The following BCL2L13 variants were observed in gnomAD, a reference collection of about 807,000 sequenced individuals.
BCL2L13 encodes the protein BCL2 like 13.
In BCL2L13, 13 loss-of-function variants were observed where a neutral mutation model predicts 25.8. The ratio of observed to expected loss-of-function variants is 0.50; its 90% CI spans 0.33 to 0.80. The LOEUF (loss-of-function observed/expected upper bound fraction) is 0.80, where lower values mean the gene tolerates loss of function less well. Ranked by LOEUF, BCL2L13 falls within the 30% of genes least tolerant of loss-of-function variation. BCL2L13 has a pLI of 0.02. For missense variants in BCL2L13, 504 were observed against 574.9 expected (o/e 0.88, Z 1.26); for synonymous variants, 244 against 230.3 (o/e 1.06, Z -0.54).
At chr22:17,674,304 T>C (rs1008843535) in intron 2 of BCL2L13, among the ~76,000 whole-genome samples, 1 of 152,132 alleles carries the variant, frequency 6.6e-6, no homozygotes, top group African/African-American at 2.4e-5. Flanking sequence ...TTGAGGTTTT[T>C]GTTTGTTTTG....
At chr22:17,686,862 G>A (rs746007267) in intron 3 of BCL2L13, among the ~76,000 whole-genome samples, 9 of 152,126 alleles carry the variant, frequency 5.9e-5, no homozygotes, top group Non-Finnish European at 4.4e-5. Flanking sequence ...TTCTCTTCAT[G>A]TATATTCTGG....
At chr22:17,657,927 ATTC>A (rs1400714611) in intron 2 of BCL2L13, among the ~76,000 whole-genome samples, 1 of 144,620 alleles carries the variant, frequency 6.9e-6, no homozygotes, top group South Asian at 2.1e-4. Context: ...GGTTCAAGCA[ATTC>A]TTCTGCTTCA....
At chr22:17,637,584 GCC>G (rs2058133923), upstream of BCL2L13, among the ~76,000 whole-genome samples, 4 of 151,866 alleles carry the variant, frequency 2.6e-5, no homozygotes, top group African/African-American at 7.2e-5. Context: ...CACCATGTTG[GCC>G]AGGCAGGTCT....
At chr22:17,666,954 G>A (rs2059252515) in intron 2 of BCL2L13, among the ~76,000 whole-genome samples, 1 of 151,938 alleles carries the variant, frequency 6.6e-6, no homozygotes, top group Non-Finnish European at 1.5e-5. Context: ...CAAAGTGCTG[G>A]GATTACAGGT....
intron 1 of BCL2L13, among the ~76,000 whole-genome samples, chr22:17,629,818 T>TACACAC (rs3044578): frequency 0.031 from 4,603 of 148,148 alleles, 151 homozygotes; most frequent in African/African-American, 0.08. Context: ...TTTATTTTCA[T>TACACAC]ACACACACAC....
intron 1 of BCL2L13, among the ~76,000 whole-genome samples, chr22:17,639,861 T>C (rs944617029): frequency 2.0e-5 from 3 of 151,820 alleles, no homozygotes; most frequent in Non-Finnish European, 2.9e-5. Context: ...TCTTTCTTTT[T>C]TTTTTTTTTT....
intron 3 of BCL2L13, among the ~76,000 whole-genome samples, chr22:17,687,390 G>A (rs181337582): frequency 1.5e-3 from 228 of 152,178 alleles, no homozygotes; most frequent in African/African-American, 5.3e-3. Flanking sequence ...TGCCCAGGTT[G>A]GAGTGTAGTG....
intron 1 of BCL2L13, among the ~76,000 whole-genome samples, chr22:17,629,531 T>C (rs954583722): frequency 1.3e-5 from 2 of 152,178 alleles, no homozygotes; most frequent in African/African-American, 4.8e-5. Context: ...TGTTTTTATT[T>C]GGATTTACCT....
At position 17,689,859 on chromosome 22, in the gene BCL2L13, A is replaced by G. The variant is rs1255244523; in HGVS notation, c.386+717A>G. Among the ~76,000 whole-genome samples, 3 of 149,098 alleles carry G rather than the reference A, an allele frequency of 2.0e-5. No individual in the cohort carries two copies. In the South Asian group the frequency reaches 6.3e-4, roughly 31 times the overall value. On this transcript the variant is annotated intron_variant, in intron 4 of 6. Transcript: ENST00000317582. ...CTCCATCTCAAAAAAAAAAAAAAAAAACCCAAAAAACCGTTATATCTGTAT... is the reference window on the plus strand; with the variant it reads ...CTCCATCTCAAAAAAAAAAAAAAAAGACCCAAAAAACCGTTATATCTGTAT...
chr22:17,718,875 G>A (rs2587094), intron 6 of BCL2L13, among the ~76,000 whole-genome samples: 2,213 of 151,908 alleles, frequency 0.015, 55 homozygotes, highest in African/African-American at 0.05. Context: ...AATTAAAAAC[G>A]CGGTCAGGTG....
chr22:17,655,763 G>A lies in BCL2L13; in HGVS notation c.52G>A (p.Val18Ile), dbSNP rs1601534974. The change falls in exon 2 of 7, where the codon GTT (valine) becomes ATT (isoleucine). Residue 18 changes from valine (V) to isoleucine (I), a missense_variant. Val to Ile is a conservative substitution (Grantham distance 29). Transcript: ENST00000317582. Reference protein sequence around the residue: ...PLGFHYETKYVVLSYLGLLSQ... With the variant: ...PLGFHYETKYIVLSYLGLLSQ... ...GGGATTTCACTATGAAACAAAGTAT[G>A]TTGTTCTCAGCTACTTGGGACTCCT... 1 of 1,613,708 alleles carries A rather than the reference G, an allele frequency of 6.2e-7. No homozygotes were observed. The highest frequency in any genetic ancestry group is 8.5e-7 in the Non-Finnish European group (1 of 1,179,846).
intron 6 of BCL2L13, chr22:17,706,784 A>AGTCT (rs767752453): frequency 7.4e-7 from 1 of 1,352,070 alleles, no homozygotes; most frequent in Non-Finnish European, 9.8e-7. Context: ...CTACGTTAGA[A>AGTCT]GTCTGTCTGT....
At chr22:17,671,393 CAAAAAAAAAA>C (rs33951569) in intron 2 of BCL2L13, among the ~76,000 whole-genome samples, 1 of 69,104 alleles carries the variant, frequency 1.4e-5, no homozygotes, top group South Asian at 5.0e-4. Flanking sequence ...GACTCCATCT[CAAAAAAAAAA>C]AAAAAAAAAA....
Position 17,727,826 on chromosome 22 carries a change from T to C in BCL2L13, c.*292T>C. The C allele has an allele frequency of 2.3e-6, 1 of 431,628 alleles. No homozygotes were observed. Among genetic ancestry groups the C allele is most frequent in the Non-Finnish European group, 4.3e-6 (1 of 233,436 alleles). 26.7% of individuals were successfully genotyped at this position (431,628 alleles called of 1,614,324 possible). A position where few individuals can be genotyped will look rare whatever the true frequency, so the allele number is the denominator to read the frequency against. On this transcript the variant is annotated 3_prime_UTR_variant, in exon 7 of 7. Coordinates refer to ENST00000317582, the MANE Select transcript of BCL2L13 (RefSeq NM_015367.4). Reference sequence around the variant, plus strand: ...CTTGGCACTAGTGCTGTTCTGACCATTCTCTGTGTTGGGGCTGTCCTGTGT... The same window carrying C: ...CTTGGCACTAGTGCTGTTCTGACCACTCTCTGTGTTGGGGCTGTCCTGTGT...
chr22:17,630,591 C>CTT lies in BCL2L13; in HGVS notation c.-650+1602_-650+1603dup, dbSNP rs568905142. Among the ~76,000 whole-genome samples the CTT allele has an allele frequency of 1.7e-4, 21 of 120,560 alleles. 1 individual carries two copies. The highest frequency in any genetic ancestry group is 2.5e-4 in the Admixed American group (3 of 11,810). 79.1% of individuals were successfully genotyped at this position (120,560 alleles called of 152,430 possible). A position where few individuals can be genotyped will look rare whatever the true frequency, so the allele number is the denominator to read the frequency against. ...CTGCACCCGGCCTTCTTTTTCTTTT[C>CTT]TTTTTTTTTTTTTTTTTGAGATGGA... On this transcript the variant is annotated intron_variant, in intron 1 of 6. Transcript: ENST00000399782.
chr22:17,682,376 A>T (rs2059781978), intron 2 of BCL2L13, among the ~76,000 whole-genome samples: 1 of 152,196 alleles, frequency 6.6e-6, no homozygotes, highest in Non-Finnish European at 1.5e-5. Flanking sequence ...AAAAGAAAGA[A>T]AATTACAAAG....
chr22:17,686,958 A>G (rs369586475), intron 3 of BCL2L13, among the ~76,000 whole-genome samples: 2 of 152,104 alleles, frequency 1.3e-5, no homozygotes, highest in African/African-American at 2.4e-5. Flanking sequence ...CACTTATTGA[A>G]CCCCATATTA....
chr22:17,657,867 C>G (rs200238181), intron 2 of BCL2L13, among the ~76,000 whole-genome samples: 1 of 113,396 alleles, frequency 8.8e-6, no homozygotes, highest in African/African-American at 3.3e-5. Flanking sequence ...GTTCTGTCAC[C>G]AGGCTGGAGT....
intron 2 of BCL2L13, among the ~76,000 whole-genome samples, chr22:17,675,474 T>G (rs1306314192): frequency 6.6e-6 from 1 of 152,206 alleles, no homozygotes; most frequent in Non-Finnish European, 1.5e-5. Flanking sequence ...TAGAAATGTT[T>G]TTGTGGAATA....
Sources: allele counts gnomAD v4.1 joint callset (sites outside exome capture counted in the v4.1 genomes callset), GRCh38; gene constraint gnomAD v4.1.1; transcripts MANE v1.5; gene names NCBI Gene and HGNC (gene_info 2026-07-23, HGNC 2026-07-21).